SLC30A8: variants seen among roughly 807,000 people sequenced by gnomAD.
SLC30A8 encodes the protein proton-coupled zinc antiporter SLC30A8.
In SLC30A8, 27 loss-of-function variants were observed where a neutral mutation model predicts 36.9. The observed-to-expected ratio is 0.73, with a 90% confidence interval of 0.54 to 1.01. The LOEUF (loss-of-function observed/expected upper bound fraction) is 1.01. SLC30A8 is among the 50% of genes least tolerant of loss of function. The pLI, the probability that SLC30A8 is intolerant of heterozygous loss-of-function variation, is 0.00. For synonymous variants in SLC30A8, 164 were observed against 172.4 expected (o/e 0.95, Z 0.38); for missense variants, 439 against 452.0 (o/e 0.97, Z 0.26).
At chr8:117,118,374 A>G (rs1229601172) in intron 2 of SLC30A8, among the ~76,000 whole-genome samples, 1 of 151,956 alleles carries the variant, frequency 6.6e-6, no homozygotes, top group Non-Finnish European at 1.5e-5. Context: ...GGTTATTTCA[A>G]ATACTGTCTA....
At chr8:116,958,585 T>G (rs910279836) in intron 1 of SLC30A8, among the ~76,000 whole-genome samples, 2 of 152,048 alleles carry the variant, frequency 1.3e-5, no homozygotes, top group Admixed American at 1.3e-4. Flanking sequence ...GTCGGCTGCA[T>G]TTAAGATTTT....
chr8:117,061,863 A>G (rs759761605), intron 2 of SLC30A8, among the ~76,000 whole-genome samples: 2 of 152,230 alleles, frequency 1.3e-5, no homozygotes, highest in African/African-American at 2.4e-5. Context: ...AAGAGGGACA[A>G]GAAGAGAACC....
chr8:117,079,370 G>A (rs143510877), intron 2 of SLC30A8, among the ~76,000 whole-genome samples: 138 of 152,196 alleles, frequency 9.1e-4, no homozygotes, highest in African/African-American at 3.1e-3. Flanking sequence ...GGTTGCCTAC[G>A]TGGCTTTTCT....
chr8:117,035,042 C>T (rs1817170044), intron 1 of SLC30A8, among the ~76,000 whole-genome samples: 1 of 152,174 alleles, frequency 6.6e-6, no homozygotes, highest in Non-Finnish European at 1.5e-5. Flanking sequence ...GATTACAGTT[C>T]AAGATGAGAT....
At chr8:117,043,365 G>C (rs541632858) in intron 2 of SLC30A8, among the ~76,000 whole-genome samples, 1 of 152,352 alleles carries the variant, frequency 6.6e-6, no homozygotes, top group East Asian at 1.9e-4. Flanking sequence ...GGCAGAAAGA[G>C]AACTTGAGTG....
intron 2 of SLC30A8, among the ~76,000 whole-genome samples, chr8:117,129,687 A>G (rs184362462): frequency 6.6e-6 from 1 of 152,162 alleles, no homozygotes; most frequent in East Asian, 1.9e-4. Context: ...ACAGTTTAAT[A>G]TGAAAGTTTA....
chr8:116,978,224 A>G (rs1586353502), intron 1 of SLC30A8, among the ~76,000 whole-genome samples: 2 of 152,158 alleles, frequency 1.3e-5, no homozygotes, highest in East Asian at 3.9e-4. Context: ...TACCTTGCAT[A>G]TTGTATTTTT....
intron 2 of SLC30A8, among the ~76,000 whole-genome samples, chr8:117,065,471 G>A (rs1290908947): frequency 6.6e-6 from 1 of 152,146 alleles, no homozygotes; most frequent in Non-Finnish European, 1.5e-5. Context: ...ACATACCTTA[G>A]TAAATCCCTG....
At chr8:117,147,211 T>C in intron 2 of SLC30A8, 58 bp downstream of exon 2, 2 of 1,467,566 alleles carry the variant, frequency 1.4e-6, no homozygotes, top group Non-Finnish European at 1.9e-6. Flanking sequence ...TGCATCATTA[T>C]GGGAGGGTTA....
rs549629710 is a variant in SLC30A8, at chr8:117,084,646, C to A, written c.-226+45388C>A. ...TGGATCTCCTAATGTTTAATAAACCCCCGGACTTTTGTGTTTTTATAGGTG... is the reference window on the plus strand; with the variant it reads ...TGGATCTCCTAATGTTTAATAAACCACCGGACTTTTGTGTTTTTATAGGTG... On this transcript the variant is annotated intron_variant, in intron 2 of 10. Transcript: ENST00000427715. Among the ~76,000 whole-genome samples the A allele has an allele frequency of 1.1e-4, 16 of 151,984 alleles. No homozygotes were observed. In the South Asian group the frequency reaches 3.3e-3, roughly 32 times the overall value.
chr8:117,170,211 T>G (rs890578213), intron 6 of SLC30A8, among the ~76,000 whole-genome samples: 3 of 152,180 alleles, frequency 2.0e-5, no homozygotes, highest in Admixed American at 6.5e-5. Flanking sequence ...CTAATGTGCA[T>G]CCAAGGTTGA....
intron 1 of SLC30A8, among the ~76,000 whole-genome samples, chr8:117,006,514 G>A (rs1586388579): frequency 6.6e-6 from 1 of 152,174 alleles, no homozygotes; most frequent in African/African-American, 2.4e-5. Context: ...ATGTTTTACT[G>A]GCCACAGAGG....
intron 1 of SLC30A8, among the ~76,000 whole-genome samples, chr8:116,959,840 A>C (rs541161998): frequency 6.6e-6 from 1 of 152,132 alleles, no homozygotes; most frequent in Non-Finnish European, 1.5e-5. Context: ...TTCTGTGCAC[A>C]TGGGCAATTT....
intron 2 of SLC30A8, among the ~76,000 whole-genome samples, chr8:117,079,823 C>T (rs925655318): frequency 2.0e-5 from 3 of 152,196 alleles, no homozygotes; most frequent in Admixed American, 2.0e-4. Context: ...GCAAAACGCA[C>T]CATAATTTTG....
At chr8:117,032,084 C>T (rs1817070733) in intron 1 of SLC30A8, among the ~76,000 whole-genome samples, 1 of 152,112 alleles carries the variant, frequency 6.6e-6, no homozygotes, top group South Asian at 2.1e-4. Flanking sequence ...CACCTTACGC[C>T]TCAGCCCATC....
chr8:117,087,345 C>A lies in SLC30A8; in HGVS notation c.-225-47935C>A, dbSNP rs77726827. Among the ~76,000 whole-genome samples the A allele has an allele frequency of 9.8e-4, 149 of 152,276 alleles. 1 individual carries two copies. The East Asian group carries it at 0.026, about 27-fold the overall frequency. ...GGTATTTAATTAGCTAGTGTGGCAACCGATGACCACAAAAATGTATTAGGA... is the reference window on the plus strand; with the variant it reads ...GGTATTTAATTAGCTAGTGTGGCAAACGATGACCACAAAAATGTATTAGGA... On this transcript the variant is annotated intron_variant, in intron 2 of 10. Transcript: ENST00000427715.
intron 2 of SLC30A8, among the ~76,000 whole-genome samples, chr8:117,066,725 T>G (rs530451629): frequency 6.6e-6 from 1 of 152,266 alleles, no homozygotes; most frequent in Admixed American, 6.5e-5. Context: ...GTGTACTTTT[T>G]TTTTTCCTTC....
intron 1 of SLC30A8, among the ~76,000 whole-genome samples, chr8:116,955,210 C>T (rs2130577463): frequency 6.6e-6 from 1 of 152,212 alleles, no homozygotes; most frequent in East Asian, 1.9e-4. Flanking sequence ...CAGAATGAGA[C>T]CTTATTTGGA....
Position 117,126,720 on chromosome 8 carries a change from G to A in SLC30A8, c.-225-8560G>A, listed in dbSNP as rs1820921498. Among the ~76,000 whole-genome samples the A allele has an allele frequency of 2.6e-5, 4 of 152,064 alleles. No homozygotes were observed. The South Asian group carries it at 8.3e-4, about 31-fold the overall frequency. On this transcript the variant is annotated intron_variant, in intron 2 of 10. Transcript: ENST00000427715. Reference sequence around the variant, plus strand: ...AACAGCTTATATTCTCATAGGAGTAGATGAGATGAGAAACAAACAAAATTA... The same window carrying A: ...AACAGCTTATATTCTCATAGGAGTAAATGAGATGAGAAACAAACAAAATTA...
Sources: allele counts gnomAD v4.1 joint callset (sites outside exome capture counted in the v4.1 genomes callset), GRCh38; gene constraint gnomAD v4.1.1; transcripts MANE v1.5; gene names NCBI Gene and HGNC (gene_info 2026-07-23, HGNC 2026-07-21).